IGHMBP2: variants seen among roughly 807,000 people sequenced by gnomAD.
IGHMBP2 encodes DNA-binding protein SMUBP-2.
Under a neutral mutation model 96.0 loss-of-function variants are expected in IGHMBP2, and 81 were observed. The ratio of observed to expected loss-of-function variants is 0.84; its 90% CI spans 0.71 to 1.01. The LOEUF is 1.01. Among genes scored for constraint, IGHMBP2 ranks in the 50% least tolerant of loss-of-function variants. The pLI, the probability that IGHMBP2 is intolerant of heterozygous loss-of-function variation, is 0.00. For missense variants in IGHMBP2, 1,227 were observed against 1,306.3 expected (o/e 0.94, Z 0.94); for synonymous variants, 557 against 548.9 (o/e 1.01, Z -0.21).
intron 14 of IGHMBP2, among the ~76,000 whole-genome samples, chr11:68,938,869 G>A (rs1011688124): frequency 6.6e-6 from 1 of 152,162 alleles, no homozygotes; most frequent in African/African-American, 2.4e-5. Flanking sequence ...TACAGTACCA[G>A]GTGTTGAGTG....
chr11:68,917,388 A>G (rs1004591856), intron 6 of IGHMBP2, among the ~76,000 whole-genome samples: 1 of 152,160 alleles, frequency 6.6e-6, no homozygotes, highest in African/African-American at 2.4e-5. Flanking sequence ...CAGTCTCTCT[A>G]TTCGTAAGCT....
intron 7 of IGHMBP2, among the ~76,000 whole-genome samples, chr11:68,922,795 C>T (rs61887152): frequency 1.3e-5 from 2 of 152,174 alleles, no homozygotes; most frequent in African/African-American, 4.8e-5. Context: ...TCGTGTTGTG[C>T]AGCAGATCTA....
Position 68,935,289 on chromosome 11 carries a change from G to C in IGHMBP2, c.1633-10G>C. On this transcript the variant is annotated splice_polypyrimidine_tract_variant and intron_variant, in intron 11 of 14. Transcript: ENST00000255078. Reference sequence around the variant, plus strand: ...TGGGTGAGGAAACCACAGCCCGGCTGGTGTTTCAGGTGGACCTGCTCAGAC... The same window carrying C: ...TGGGTGAGGAAACCACAGCCCGGCTCGTGTTTCAGGTGGACCTGCTCAGAC... The C allele has an allele frequency of 6.2e-7, 1 of 1,613,834 alleles. No individual in the cohort carries two copies. The highest frequency in any genetic ancestry group is 8.5e-7 in the Non-Finnish European group (1 of 1,179,934).
chr11:68,936,458 A>T lies in IGHMBP2; in HGVS notation c.1978A>T (p.Ser660Cys). The change falls in exon 13 of 15, where the codon AGC becomes TGC. Residue 660 changes from serine to cysteine, a missense_variant. By Grantham distance (112) the Ser-to-Cys change is moderately radical. Around this residue, in one of 3 missense-constraint regions of IGHMBP2, gnomAD observed 703 missense variants for 770.3 expected, o/e 0.91. Transcript: ENST00000255078. The part of the protein sequence containing the change: ...NYSHENSQGS[S>C]HAATKPQGPA... Reference sequence around the variant, plus strand: ...TTCCCATGAGAACTCCCAGGGTTCCAGCCACGCTGCCACCAAGCCCCAGGG... The same window carrying T: ...TTCCCATGAGAACTCCCAGGGTTCCTGCCACGCTGCCACCAAGCCCCAGGG... 1 of 1,613,950 alleles carries T rather than the reference A, an allele frequency of 6.2e-7. No homozygotes were observed. The highest frequency in any genetic ancestry group is 8.5e-7 in the Non-Finnish European group (1 of 1,180,002).
At chr11:68,911,973 C>T (rs920326441) in intron 5 of IGHMBP2, among the ~76,000 whole-genome samples, 1 of 152,220 alleles carries the variant, frequency 6.6e-6, no homozygotes, top group East Asian at 1.9e-4. Context: ...GGTCTGTGCC[C>T]GTCAGGAGCT....
At chr11:68,923,585 G>A (rs535713033) in intron 7 of IGHMBP2, among the ~76,000 whole-genome samples, 1 of 152,248 alleles carries the variant, frequency 6.6e-6, no homozygotes, top group South Asian at 2.1e-4. Flanking sequence ...CTTTTGAGAT[G>A]TGTTAGGGTC....
intron 8 of IGHMBP2, chr11:68,930,194 T>C (rs1859231113): frequency 1.6e-6 from 2 of 1,225,030 alleles, no homozygotes; most frequent in Non-Finnish European, 1.0e-6. Flanking sequence ...GTTCAGAAAG[T>C]TGTCCCTGAG....
At chr11:68,930,275 T>C in intron 8 of IGHMBP2, 1 of 1,284,992 alleles carries the variant, frequency 7.8e-7, no homozygotes, top group East Asian at 5.6e-5. Context: ...TTTCTTCAGA[T>C]TTCGGTTGCC....
At chr11:68,922,603 C>T (rs955960738) in intron 7 of IGHMBP2, among the ~76,000 whole-genome samples, 1 of 152,140 alleles carries the variant, frequency 6.6e-6, no homozygotes, top group Non-Finnish European at 1.5e-5. Context: ...ACCACATTGG[C>T]CAGGCTGCTC....
At chr11:68,930,003 C>T (rs1859221149) in intron 8 of IGHMBP2, 2 of 906,882 alleles carry the variant, frequency 2.2e-6, no homozygotes, top group Non-Finnish European at 2.7e-6. Flanking sequence ...CCCCATACTA[C>T]CCAGCACTCA....
rs1859688985 is a variant in IGHMBP2, at chr11:68,939,833, GCCTATGGGGGAGGAGCGGAGGGC to G, written c.*106_*128del. 3.9e-6 allele frequency: 5 copies of G among 1,266,524 alleles called. No individual in the cohort carries two copies. The highest frequency in any genetic ancestry group is 2.4e-5 in the Admixed American group (1 of 42,130). The allele number at this position is 1,266,524 out of a possible 1,614,324, so 78.5% of individuals were successfully genotyped here. On this transcript the variant is annotated 3_prime_UTR_variant, in exon 15 of 15. Coordinates refer to ENST00000255078, the MANE Select transcript of IGHMBP2 (RefSeq NM_002180.3). Reference sequence around the variant, plus strand: ...ACCAGGGCCACAGAGGAGCGGAGGGGCCTATGGGGGAGGAGCGGAGGGCCCTGTTGGGGAAGGTTGGGTTTTTG... The same window carrying G: ...ACCAGGGCCACAGAGGAGCGGAGGGGCCTGTTGGGGAAGGTTGGGTTTTTG...
chr11:68,908,016 C>G, intron 2 of IGHMBP2, 129 bp from the exon 3 acceptor site: 1 of 802,902 alleles, frequency 1.2e-6, no homozygotes, highest in Non-Finnish European at 2.1e-6. Context: ...TTTTTTTTAA[C>G]TGTTACTGAT....
intron 7 of IGHMBP2, among the ~76,000 whole-genome samples, chr11:68,922,097 A>G (rs924431849): frequency 6.6e-5 from 10 of 152,038 alleles, no homozygotes; most frequent in Non-Finnish European, 1.2e-4. Flanking sequence ...TGGGAGGCTT[A>G]AGGCGAGTGG....
chr11:68,927,209 G>A (rs762977238), intron 7 of IGHMBP2, among the ~76,000 whole-genome samples: 3 of 152,170 alleles, frequency 2.0e-5, no homozygotes, highest in Non-Finnish European at 4.4e-5. Flanking sequence ...TTCCCACCCC[G>A]GGGTTTGTTG....
intron 6 of IGHMBP2, 143 bp downstream of exon 6, chr11:68,915,166 C>CTTTTTTTGTTTTT (rs1858606093): frequency 5.7e-6 from 1 of 176,576 alleles, no homozygotes; most frequent in Non-Finnish European, 9.5e-6. Flanking sequence ...TTGGGCTGCC[C>CTTTTTTTGTTTTT]TTTTTTTTTT....
rs2154007239 is a variant in IGHMBP2, at chr11:68,915,040, G to T, written c.912+17G>T. The T allele has an allele frequency of 1.2e-6, 2 of 1,606,404 alleles. No individual in the cohort carries two copies. Among genetic ancestry groups the T allele is most frequent in the East Asian group, 2.2e-5 (1 of 44,858 alleles). ...CAGGTCTTTGTAGGTGTCATGGCCA[G>T]TGTCCATGTGGGGCGTGGGCTTCTG... On this transcript the variant is annotated intron_variant, in intron 6 of 14. Transcript: ENST00000255078.
chr11:68,915,211 C>CTTTTTTTTTTTTTTTTTTTTTTTTTT (rs1858614259), intron 6 of IGHMBP2, among the ~76,000 whole-genome samples, 188 bp downstream of exon 6: 1 of 58,506 alleles, frequency 1.7e-5, no homozygotes, highest in Non-Finnish European at 3.2e-5. Context: ...CAGAGTTTTG[C>CTTTTTTTTTTTTTTTTTTTTTTTTTT]TCTCATTGCT....
intron 13 of IGHMBP2, among the ~76,000 whole-genome samples, chr11:68,937,502 G>T (rs762985698): frequency 1.8e-4 from 28 of 152,250 alleles, no homozygotes; most frequent in Non-Finnish European, 3.4e-4. Context: ...GTTGTCCTGG[G>T]CAAAATGCTC....
At chr11:68,920,585 T>G (rs947801309) in intron 7 of IGHMBP2, among the ~76,000 whole-genome samples, 1 of 152,170 alleles carries the variant, frequency 6.6e-6, no homozygotes, top group Non-Finnish European at 1.5e-5. Flanking sequence ...TGGGCTGAAG[T>G]GATTCTCCCA....
Sources: gnomAD v4.1 joint callset for allele counts (sites outside exome capture counted in the v4.1 genomes callset) on GRCh38, gnomAD v4.1.1 for gene constraint, gnomAD v4.1.1 regional missense constraint, MANE v1.5 for transcripts, NCBI Gene and HGNC (gene_info 2026-07-23, HGNC 2026-07-21) for gene names.